Variants in CFAP53 observed in about 807,000 individuals in gnomAD.
CFAP53 encodes the protein cilia- and flagella-associated protein 53.
CFAP53 carries 62 observed loss-of-function variants against 59.7 expected under a neutral mutation model. The ratio of observed to expected loss-of-function variants is 1.04; its 90% CI spans 0.85 to 1.28. The LOEUF (loss-of-function observed/expected upper bound fraction) is 1.28. Among genes scored for constraint, CFAP53 ranks in the 50% most tolerant of loss-of-function variants. The probability of loss-of-function intolerance (pLI) is 0.00; values close to 1 mark genes in which losing one functional copy is unlikely to be tolerated. For synonymous variants in CFAP53, 218 were observed against 205.7 expected (o/e 1.06, Z -0.51); for missense variants, 629 against 615.6 (o/e 1.02, Z -0.23).
At chr18:50,248,143 A>AC (rs1438677159) in intron 5 of CFAP53, among the ~76,000 whole-genome samples, 1 of 151,844 alleles carries the variant, frequency 6.6e-6, no homozygotes, top group Non-Finnish European at 1.5e-5. Context: ...AAAAAAAAAA[A>AC]AAACAGAAAA....
intron 5 of CFAP53, among the ~76,000 whole-genome samples, chr18:50,243,812 C>T (rs954599450): frequency 5.9e-5 from 9 of 152,096 alleles, no homozygotes; most frequent in East Asian, 1.9e-4. Flanking sequence ...ATTAGCTGGA[C>T]GTGGTGGTGG....
chr18:50,227,326 T>G lies in CFAP53; in HGVS notation c.*55A>C, dbSNP rs2033532809. ...AGGAGTTAAAAGAAGCATACAAGCA[T>G]ACTGTAGTTAAAAATATTAAAAGAC... On this transcript the variant is annotated 3_prime_UTR_variant, in exon 8 of 8. Coordinates refer to ENST00000398545, the MANE Select transcript of CFAP53 (RefSeq NM_145020.5). 1 of 1,379,674 alleles carries G rather than the reference T, an allele frequency of 7.2e-7. No individual in the cohort carries two copies. The highest frequency in any genetic ancestry group is 1.4e-5 in the African/African-American group (1 of 69,914). 85.5% of individuals were successfully genotyped at this position (1,379,674 alleles called of 1,614,324 possible). A position where few individuals can be genotyped will look rare whatever the true frequency, so the allele number is the denominator to read the frequency against.
rs576525221 is a variant in CFAP53, at chr18:50,247,426, C to A, written c.996+3332G>T. ...TCCTCAAAACTTCAACACAGAGTTA[C>A]CGTATGGCCCAGTAGTACTACTTCT... On this transcript the variant is annotated intron_variant, in intron 5 of 7. Transcript: ENST00000398545. 2.6e-5 allele frequency among the ~76,000 whole-genome samples: 4 copies of A among 152,274 alleles called. No homozygotes were observed. The East Asian group carries it at 7.7e-4, about 29-fold the overall frequency.
At chr18:50,244,092 G>A (rs1161976293) in intron 5 of CFAP53, among the ~76,000 whole-genome samples, 4 of 152,184 alleles carry the variant, frequency 2.6e-5, no homozygotes, top group African/African-American at 7.2e-5. Context: ...TTTAGCGCAG[G>A]CATTTTTAGT....
At chr18:50,261,042 G>A in intron 3 of CFAP53, 22 bp downstream of exon 3, 1 of 1,585,276 alleles carries the variant, frequency 6.3e-7, no homozygotes, top group Non-Finnish European at 8.5e-7. Flanking sequence ...GATTCTGTTT[G>A]TGTGTTTTCT....
intron 7 of CFAP53, among the ~76,000 whole-genome samples, chr18:50,228,510 G>A (rs1420438555): frequency 6.6e-6 from 1 of 152,070 alleles, no homozygotes; most frequent in Admixed American, 6.5e-5. Context: ...AACACATTAT[G>A]ATGGGCATGG....
rs202140882 is a variant in CFAP53 at position 50,227,515 on chromosome 18, G to A, written c.1411C>T (p.Arg471Ter). 61 of 1,614,100 alleles carry A rather than the reference G, an allele frequency of 3.8e-5. 1 individual carries two copies. Among genetic ancestry groups the A allele is most frequent in the Middle Eastern group, 1.6e-4 (1 of 6,062 alleles). ...SQEAEKEEKR[R>*]EFEAGVAANK... ...GCTGCTACACCTGCTTCAAACTCTCGGCGTTTCTCTTCCTTCTCTGCTTCT... is the reference window on the plus strand; with the variant it reads ...GCTGCTACACCTGCTTCAAACTCTCAGCGTTTCTCTTCCTTCTCTGCTTCT... The change falls in exon 8 of 8, where the codon CGA becomes TGA. Residue 471 changes from arginine to a stop codon, truncating the protein, a stop_gained. Transcript: ENST00000398545. LOFTEE classifies it low-confidence loss of function (END_TRUNC).
In CFAP53 at chr18:50,227,603, T is replaced by A; in HGVS notation, c.1323A>T (p.Gln441His). Reference protein sequence around the residue: ...CEEKENFARRQRLAQEYRKQL... With the variant: ...CEEKENFARRHRLAQEYRKQL... ...GCTTCCTGTACTCCTGGGCTAAACGTTGGCGTCTAAAGTATTAGAAATGTC... is the reference window on the plus strand; with the variant it reads ...GCTTCCTGTACTCCTGGGCTAAACGATGGCGTCTAAAGTATTAGAAATGTC... The change falls in exon 8 of 8, where the codon CAA (glutamine) becomes CAT (histidine). Residue 441 changes from glutamine (Q) to histidine (H), a missense_variant. Physicochemically the swap from Gln to His is conservative, Grantham distance 24. Coordinates refer to ENST00000398545, the MANE Select transcript of CFAP53 (RefSeq NM_145020.5). 1 of 1,613,080 alleles carries A rather than the reference T, an allele frequency of 6.2e-7. No individual in the cohort carries two copies. The highest frequency in any genetic ancestry group is 8.5e-7 in the Non-Finnish European group (1 of 1,179,040).
chr18:50,239,484 G>GCA (rs1388255225), intron 6 of CFAP53, among the ~76,000 whole-genome samples: 1 of 152,168 alleles, frequency 6.6e-6, no homozygotes, highest in African/African-American at 2.4e-5. Flanking sequence ...CATCTGAAAT[G>GCA]TATATATCTT....
At chr18:50,248,129 T>TAAAAAAAAAAAAAAAA (rs60474914) in intron 5 of CFAP53, among the ~76,000 whole-genome samples, 1 of 134,992 alleles carries the variant, frequency 7.4e-6, no homozygotes. Flanking sequence ...CAACAAAAAT[T>TAAAAAAAAAAAAAAAA]AAAAAAAAAA....
intron 7 of CFAP53, among the ~76,000 whole-genome samples, chr18:50,231,890 TCAGA>T (rs1449936276): frequency 2.0e-5 from 3 of 152,194 alleles, no homozygotes; most frequent in Non-Finnish European, 4.4e-5. Context: ...TCAGGTGATC[TCAGA>T]CAGCCTCAGA....
At chr18:50,264,873 T>A (rs534380233) in intron 1 of CFAP53, among the ~76,000 whole-genome samples, 2 of 152,118 alleles carry the variant, frequency 1.3e-5, no homozygotes, top group Admixed American at 1.3e-4. Context: ...AGATCTTCTG[T>A]CCTTCATGAA....
intron 3 of CFAP53, among the ~76,000 whole-genome samples, chr18:50,258,149 T>C (rs1026494569): frequency 9.9e-5 from 15 of 152,232 alleles, no homozygotes; most frequent in Admixed American, 9.8e-4. Context: ...TAGCCAAAGC[T>C]ATTCTAAGCA....
intron 1 of CFAP53, among the ~76,000 whole-genome samples, chr18:50,264,837 C>G (rs2033922121): frequency 6.6e-6 from 1 of 152,154 alleles, no homozygotes; most frequent in African/African-American, 2.4e-5. Flanking sequence ...CCCCTGAGCC[C>G]AGTGTTTGGA....
At chr18:50,261,892 A>G in intron 2 of CFAP53, 98 bp downstream of exon 2, 1 of 836,874 alleles carries the variant, frequency 1.2e-6, no homozygotes, top group Non-Finnish European at 1.9e-6. Flanking sequence ...TAAACATCTC[A>G]GCCATGATCC....
At position 50,261,967 on chromosome 18, in the gene CFAP53, T is replaced by C. The variant is rs777664161; in HGVS notation, c.299+23A>G. The C allele has an allele frequency of 1.5e-5, 24 of 1,568,494 alleles. 1 individual carries two copies. In the South Asian group the frequency reaches 2.4e-4, roughly 16 times the overall value. On this transcript the variant is annotated intron_variant, in intron 2 of 7. Transcript: ENST00000398545. Reference sequence around the variant, plus strand: ...GGTTTTAGGAATATTTCATGGTTTATGTCCCAGGTTTGTGAGCCTTACTTA... The same window carrying C: ...GGTTTTAGGAATATTTCATGGTTTACGTCCCAGGTTTGTGAGCCTTACTTA...
At position 50,242,987 on chromosome 18, in the gene CFAP53, C is replaced by A. The variant is rs201612993; in HGVS notation, c.1126G>T (p.Asp376Tyr). 6.2e-7 allele frequency: 1 copy of A among 1,613,964 alleles called. No homozygotes were observed. Among genetic ancestry groups the A allele is most frequent in the East Asian group, 2.2e-5 (1 of 44,888 alleles). The change falls in exon 6 of 8, where the codon GAC becomes TAC. Residue 376 changes from aspartate (D) to tyrosine (Y), a missense_variant. Transcript: ENST00000398545. The part of the protein sequence containing the change: ...EDKAKKLAEK[D>Y]KELRLEKEAR... ...TCCTTTTCAAGTCTCAGCTCCTTGTCCTTCTCAGCCAACTTCTTTGCCTTG... is the reference window on the plus strand; with the variant it reads ...TCCTTTTCAAGTCTCAGCTCCTTGTACTTCTCAGCCAACTTCTTTGCCTTG...
Position 50,262,031 on chromosome 18 carries a change from A to G in CFAP53, c.258T>C (p.Ala86=), listed in dbSNP as rs1257916009. ...DSLVRARIKD[A]VQGFIINIEE... ...CAATGTTAATGATAAACCCTTGCAC[A>G]GCATCCTTGATTCTTGCTCGCACAA... The change falls in exon 2 of 8, where the codon GCT becomes GCC. Residue 86 remains alanine, a synonymous_variant. Transcript: ENST00000398545. 1 of 1,614,156 alleles carries G rather than the reference A, an allele frequency of 6.2e-7. No individual in the cohort carries two copies.
At chr18:50,252,940 C>CA (rs1363933978) in intron 3 of CFAP53, among the ~76,000 whole-genome samples, 1 of 152,190 alleles carries the variant, frequency 6.6e-6, no homozygotes, top group Non-Finnish European at 1.5e-5. Context: ...CACTTGAACT[C>CA]AGGAGTTTGA....
Sources: allele counts gnomAD v4.1 joint callset (sites outside exome capture counted in the v4.1 genomes callset), GRCh38; gene constraint gnomAD v4.1.1; transcripts MANE v1.5; gene names NCBI Gene and HGNC (gene_info 2026-07-23, HGNC 2026-07-21).